Variants in CENPU observed in about 807,000 individuals in gnomAD.
CENPU encodes KSHV latent nuclear antigen interacting protein 1.
In CENPU, 46 loss-of-function variants were observed where a neutral mutation model predicts 56.7. The ratio of observed to expected loss-of-function variants is 0.81; its 90% CI spans 0.64 to 1.04. The LOEUF (loss-of-function observed/expected upper bound fraction) is 1.04. Among genes scored for constraint, CENPU ranks in the 50% least tolerant of loss-of-function variants. CENPU has a pLI of 0.00. For missense variants in CENPU, 510 were observed against 490.1 expected (o/e 1.04, Z -0.38); for synonymous variants, 166 against 163.0 (o/e 1.02, Z -0.14).
At chr4:184,714,110 G>A (rs1761013316) in intron 6 of CENPU, among the ~76,000 whole-genome samples, 1 of 152,144 alleles carries the variant, frequency 6.6e-6, no homozygotes, top group Admixed American at 6.5e-5. Context: ...GAAGACAACA[G>A]AATGGTATAA....
intron 4 of CENPU, among the ~76,000 whole-genome samples, chr4:184,723,944 T>A (rs1761366936): frequency 6.6e-6 from 1 of 151,722 alleles, no homozygotes; most frequent in African/African-American, 2.4e-5. Flanking sequence ...TTCTCAGATT[T>A]CTGCCCAGCT....
intron 12 of CENPU, among the ~76,000 whole-genome samples, chr4:184,696,665 A>G (rs796545408): frequency 6.6e-5 from 10 of 151,224 alleles, no homozygotes; most frequent in African/African-American, 2.4e-4. Context: ...TACAAATCTG[A>G]TCATAAAATA....
chr4:184,726,549 T>C (rs575320894), intron 3 of CENPU, among the ~76,000 whole-genome samples: 24 of 152,246 alleles, frequency 1.6e-4, no homozygotes, highest in African/African-American at 5.5e-4. Flanking sequence ...GCCCTGCTGG[T>C]GGGAACACAG....
chr4:184,733,218 A>AG, intron 1 of CENPU: 1 of 569,286 alleles, frequency 1.8e-6, no homozygotes, highest in Non-Finnish European at 2.2e-6. Context: ...CACTGGCCAC[A>AG]GAAGTCTGGT....
chr4:184,705,726 G>A (rs530998772), intron 8 of CENPU, among the ~76,000 whole-genome samples: 15 of 152,254 alleles, frequency 9.9e-5, no homozygotes, highest in African/African-American at 3.4e-4. Flanking sequence ...TGAATGAATG[G>A]ATAAACAATG....
intron 4 of CENPU, 93 bp from the exon 5 acceptor site, chr4:184,717,289 C>G: frequency 1.1e-6 from 1 of 897,076 alleles, no homozygotes; most frequent in Non-Finnish European, 1.8e-6. Context: ...AAAACAGACT[C>G]AATTTAATGA....
At chr4:184,726,473 A>G (rs1358823188) in intron 3 of CENPU, among the ~76,000 whole-genome samples, 2 of 152,216 alleles carry the variant, frequency 1.3e-5, no homozygotes, top group Non-Finnish European at 2.9e-5. Context: ...ATAGTACTTC[A>G]CACCCAAACA....
At chr4:184,733,453 C>A in intron 1 of CENPU, 1 of 984,518 alleles carries the variant, frequency 1.0e-6, no homozygotes, top group Non-Finnish European at 1.2e-6. Context: ...GAATCAGCGA[C>A]CAGCATTCTA....
At chr4:184,731,400 G>A (rs28406067) in intron 1 of CENPU, among the ~76,000 whole-genome samples, 8,472 of 152,254 alleles carry the variant, frequency 0.056, 754 homozygotes, top group African/African-American at 0.19. Flanking sequence ...GAGCCAGGAG[G>A]GAGACAAGCC....
At chr4:184,733,354 T>C (rs1248063235) in intron 1 of CENPU, 32 of 987,438 alleles carry the variant, frequency 3.2e-5, no homozygotes, top group Non-Finnish European at 3.8e-5. Context: ...CTTCAGATCG[T>C]CTTGGCGTAT....
Position 184,716,446 on chromosome 4 carries a change from C to T in CENPU, c.569G>A (p.Ser190Asn). 6.2e-7 allele frequency: 1 copy of T among 1,614,162 alleles called. No individual in the cohort carries two copies. The highest frequency in any genetic ancestry group is 8.5e-7 in the Non-Finnish European group (1 of 1,180,032). Residue 190 changes from serine (S) to asparagine (N), a missense_variant, in exon 6 of 13, where the codon AGT becomes AAT. Physicochemically the swap from Ser to Asn is conservative, Grantham distance 46. Transcript: ENST00000281453. ...SVTSKKTGPL[S>N]AQPSVEKENL... ...CTCTTTTTCAACAGAGGGCTGGGCA[C>T]TAAGGGGTCCTGTCTTTTTAGAAGT...
intron 4 of CENPU, among the ~76,000 whole-genome samples, chr4:184,718,109 A>ACCTTCTGCACCCACTGCAGCG (rs1761153375): frequency 1.3e-5 from 2 of 152,192 alleles, no homozygotes; most frequent in Non-Finnish European, 2.9e-5. Context: ...CAGCTGCAGC[A>ACCTTCTGCACCCACTGCAGCG]CCTTCTGCAC....
intron 11 of CENPU, 186 bp from the exon 12 acceptor site, chr4:184,697,989 T>C (rs1760398847): frequency 1.8e-6 from 1 of 545,646 alleles, no homozygotes; most frequent in South Asian, 2.5e-5. Context: ...AAAAAATCTC[T>C]GAAATACAAT....
chr4:184,722,951 GGTGGCAAT>G (rs753210179), intron 4 of CENPU, among the ~76,000 whole-genome samples: 37 of 152,162 alleles, frequency 2.4e-4, no homozygotes, highest in African/African-American at 8.4e-4. Flanking sequence ...ATCTCACTTA[GGTGGCAAT>G]GTGGCAATAA....
At chr4:184,732,732 G>A (rs1019145541) in intron 1 of CENPU, among the ~76,000 whole-genome samples, 3 of 152,142 alleles carry the variant, frequency 2.0e-5, no homozygotes, top group Non-Finnish European at 4.4e-5. Flanking sequence ...GGCCAGGCGC[G>A]GTGGCTCATG....
intron 1 of CENPU, among the ~76,000 whole-genome samples, chr4:184,731,239 G>T (rs1355912961): frequency 6.6e-6 from 1 of 152,162 alleles, no homozygotes; most frequent in Non-Finnish European, 1.5e-5. Flanking sequence ...CTGCACAGCT[G>T]AACAAAGGGG....
At chr4:184,705,516 T>A (rs1760696448) in intron 8 of CENPU, among the ~76,000 whole-genome samples, 1 of 151,830 alleles carries the variant, frequency 6.6e-6, no homozygotes, top group African/African-American at 2.4e-5. Flanking sequence ...TATGATAAAA[T>A]CCCTATATTA....
In CENPU at chr4:184,694,646, T is replaced by C. The variant is rs1760111619; in HGVS notation, c.*642A>G. ...GCTGATGCTGTCTGGGATAATGGCA[T>C]TGATGATGCTTATTTTTTAGAAGCT... On this transcript the variant is annotated 3_prime_UTR_variant, in exon 13 of 13. Coordinates refer to ENST00000281453, the MANE Select transcript of CENPU (RefSeq NM_024629.4). 1.9e-6 allele frequency: 3 copies of C among 1,614,164 alleles called. No individual in the cohort carries two copies. Among genetic ancestry groups the C allele is most frequent in the Non-Finnish European group, 1.7e-6 (2 of 1,180,010 alleles).
At position 184,700,832 on chromosome 4, in the gene CENPU, T is replaced by C. The variant is rs1760510287; in HGVS notation, c.974A>G (p.Asp325Gly). 6.2e-7 allele frequency: 1 copy of C among 1,613,760 alleles called. No homozygotes were observed. Among genetic ancestry groups the C allele is most frequent in the Admixed American group, 1.7e-5 (1 of 60,014 alleles). ...GACAGTATCTTACCGAAGCAGTTCA[T>C]CCTGGACTTCAATCATACGCTGCCT... ...KKRQRMIEVQ[D>G]ELLRLEPQLK... The change falls in exon 11 of 13, where the codon GAT (aspartate) becomes GGT (glycine). Residue 325 changes from aspartate to glycine, a missense_variant. Physicochemically the swap from Asp to Gly is moderately conservative, Grantham distance 94. Transcript: ENST00000281453.
Sources: gnomAD v4.1 joint callset for allele counts (sites outside exome capture counted in the v4.1 genomes callset) on GRCh38, gnomAD v4.1.1 for gene constraint, MANE v1.5 for transcripts, NCBI Gene and HGNC (gene_info 2026-07-23, HGNC 2026-07-21) for gene names.